The following MAGOH variants were observed in gnomAD, a reference collection of about 807,000 sequenced individuals.
MAGOH encodes the protein protein mago nashi homolog.
In MAGOH, 3 loss-of-function variants were observed where a neutral mutation model predicts 20.9. The observed-to-expected ratio is 0.14, with a 90% CI of 0.07 to 0.37. The LOEUF (loss-of-function observed/expected upper bound fraction) is 0.37, where lower values mean the gene tolerates loss of function less well. MAGOH is among the 10% of genes least tolerant of loss of function. MAGOH has a pLI of 1.00. For missense variants in MAGOH, 66 were observed against 178.1 expected, an observed-to-expected ratio of 0.37 and a Z score of 3.58; for synonymous variants, 51 against 61.0, an observed-to-expected ratio of 0.84 and a Z score of 0.76.
intron 1 of MAGOH, among the ~76,000 whole-genome samples, 153 bp from the exon 2 acceptor site, chr1:53,235,788 A>G (rs531153733): frequency 6.6e-6 from 1 of 152,402 alleles, no homozygotes; most frequent in East Asian, 1.9e-4. Context: ...TTTCAACAAT[A>G]CTAGTCTTTT....
intron 3 of MAGOH, among the ~76,000 whole-genome samples, chr1:53,232,648 C>T (rs1174154832): frequency 6.6e-6 from 1 of 152,104 alleles, no homozygotes; most frequent in Non-Finnish European, 1.5e-5. Flanking sequence ...GTAAGAACCA[C>T]CTAGGTATGT....
intron 1 of MAGOH, among the ~76,000 whole-genome samples, chr1:53,236,437 C>T (rs1333984073): frequency 6.6e-6 from 1 of 152,240 alleles, no homozygotes; most frequent in Non-Finnish European, 1.5e-5. Flanking sequence ...AAGCCCCTGC[C>T]TGCTTTTCCA....
Position 53,227,024 on chromosome 1 carries a change from A to AT in MAGOH, c.*20dup. The AT allele has an allele frequency of 3.3e-6, 2 of 601,140 alleles. No individual in the cohort carries two copies. Among genetic ancestry groups the AT allele is most frequent in the Non-Finnish European group, 5.2e-6 (2 of 385,808 alleles). The allele number at this position is 601,140 out of a possible 1,614,324, so 37.2% of individuals were successfully genotyped here. ...AATTTTCTACTCCCACCCACCCCCCATGTCCACACCAATATTCAGTCTAGA... is the reference window on the plus strand; with the variant it reads ...AATTTTCTACTCCCACCCACCCCCCATTGTCCACACCAATATTCAGTCTAGA... On this transcript the variant is annotated 3_prime_UTR_variant, in exon 5 of 5. Coordinates refer to ENST00000371470, the MANE Select transcript of MAGOH (RefSeq NM_002370.4).
At position 53,227,113 on chromosome 1, in the gene MAGOH, G is replaced by A; in HGVS notation, c.373C>T (p.Leu125Phe). Reference protein sequence around the residue: ...DPEGLRVFYYLVQDLKCLVFS... With the variant: ...DPEGLRVFYYFVQDLKCLVFS... The stretch of plus-strand genomic sequence containing the variant: ...ACCAAACACTTCAGGTCCTGGACAA[G>A]ATAATAAAATACTCGTAAGCCTTCT... The change falls in exon 5 of 5, where the codon CTT (leucine) becomes TTT (phenylalanine). Residue 125 changes from leucine (L) to phenylalanine (F), a missense_variant. Physicochemically the swap from Leu to Phe is conservative, Grantham distance 22. Transcript: ENST00000371470. The A allele has an allele frequency of 6.3e-7, 1 of 1,585,270 alleles. No homozygotes were observed. The highest frequency in any genetic ancestry group is 1.2e-5 in the South Asian group (1 of 86,444).
In MAGOH at chr1:53,238,503, G is replaced by C. The variant is rs942540621; in HGVS notation, c.-55C>G. The C allele has an allele frequency of 6.7e-7, 1 of 1,502,164 alleles. No homozygotes were observed. The highest frequency in any genetic ancestry group is 1.1e-5 in the South Asian group (1 of 88,800). The allele number at this position is 1,502,164 out of a possible 1,614,324, so 93.1% of individuals were successfully genotyped here. A position where few individuals can be genotyped will look rare whatever the true frequency, so the allele number is the denominator to read the frequency against. On this transcript the variant is annotated 5_prime_UTR_variant, in exon 1 of 5. Coordinates refer to ENST00000371470, the MANE Select transcript of MAGOH (RefSeq NM_002370.4). ...TCCAAGAGCAAGCCGCACTGCCGCC[G>C]TCTGCGCCCGACACTGACGTTTGCG...
chr1:53,236,695 C>G (rs1645612018), intron 1 of MAGOH, among the ~76,000 whole-genome samples: 1 of 152,214 alleles, frequency 6.6e-6, no homozygotes, highest in African/African-American at 2.4e-5. Context: ...TCCTCTGTTT[C>G]TTTTTACCAC....
At chr1:53,231,661 T>C (rs1176789922) in intron 3 of MAGOH, among the ~76,000 whole-genome samples, 2 of 152,192 alleles carry the variant, frequency 1.3e-5, no homozygotes, top group African/African-American at 4.8e-5. Context: ...TTCTGTTCCA[T>C]TGGTTTAGCT....
At chr1:53,228,259 G>T (rs1645570032) in intron 4 of MAGOH, among the ~76,000 whole-genome samples, 2 of 152,070 alleles carry the variant, frequency 1.3e-5, no homozygotes, top group Middle Eastern at 6.8e-3. Flanking sequence ...GTGAAACCCT[G>T]TCTCTACTAA....
At chr1:53,238,243 T>C in intron 1 of MAGOH, 118 bp downstream of exon 1, 1 of 878,606 alleles carries the variant, frequency 1.1e-6, no homozygotes, top group Non-Finnish European at 1.9e-6. Context: ...AGATCTGCAC[T>C]GCACAGGTCT....
At chr1:53,230,657 G>A (rs1001740543) in intron 3 of MAGOH, among the ~76,000 whole-genome samples, 26 of 151,870 alleles carry the variant, frequency 1.7e-4, no homozygotes, top group South Asian at 2.1e-4. Context: ...TGAGCTCCTG[G>A]CCTCAAGTCA....
intron 4 of MAGOH, 40 bp downstream of exon 4, chr1:53,228,832 A>G: frequency 6.8e-7 from 1 of 1,476,290 alleles, no homozygotes; most frequent in South Asian, 1.1e-5. Flanking sequence ...AATCTGCTCC[A>G]AAACAGACAC....
At position 53,227,050 on chromosome 1, in the gene MAGOH, T is replaced by C; in HGVS notation, c.436A>G (p.Ile146Val). 1 of 1,328,872 alleles carries C rather than the reference T, an allele frequency of 7.5e-7. No individual in the cohort carries two copies. The highest frequency in any genetic ancestry group is 1.1e-6 in the Non-Finnish European group (1 of 951,426). 82.3% of individuals were successfully genotyped at this position (1,328,872 alleles called of 1,614,324 possible). A position where few individuals can be genotyped will look rare whatever the true frequency, so the allele number is the denominator to read the frequency against. Reference sequence around the variant, plus strand: ...TGTCCACACCAATATTCAGTCTAGATTGGTTTAATCTTGAAGTGTAATCCA... The same window carrying C: ...TGTCCACACCAATATTCAGTCTAGACTGGTTTAATCTTGAAGTGTAATCCA... ...LIGLHFKIKP[I>V] Residue 146 changes from isoleucine to valine, a missense_variant, in exon 5 of 5, where the codon ATC becomes GTC. Physicochemically the swap from Ile to Val is conservative, Grantham distance 29. Coordinates refer to ENST00000371470, the MANE Select transcript of MAGOH (RefSeq NM_002370.4).
At chr1:53,228,406 C>T (rs1480034421) in intron 4 of MAGOH, among the ~76,000 whole-genome samples, 6 of 151,750 alleles carry the variant, frequency 4.0e-5, no homozygotes, top group Non-Finnish European at 7.4e-5. Flanking sequence ...CACTCCAGTC[C>T]GGGTGACAGT....
intron 3 of MAGOH, among the ~76,000 whole-genome samples, chr1:53,230,314 T>A (rs532589724): frequency 1.3e-4 from 20 of 152,310 alleles, no homozygotes; most frequent in East Asian, 7.7e-4. Context: ...AGATTTTTTT[T>A]AAAAAAGAAG....
At chr1:53,227,452 T>A (rs1303610166) in intron 4 of MAGOH, among the ~76,000 whole-genome samples, 1 of 152,216 alleles carries the variant, frequency 6.6e-6, no homozygotes, top group East Asian at 1.9e-4. Flanking sequence ...AACTTGTGGA[T>A]GATTTTCCCC....
intron 4 of MAGOH, among the ~76,000 whole-genome samples, chr1:53,228,082 A>C (rs1248619362): frequency 6.6e-6 from 1 of 152,188 alleles, no homozygotes; most frequent in Non-Finnish European, 1.5e-5. Context: ...CCCCACTGAC[A>C]ACATGAATTT....
intron 3 of MAGOH, among the ~76,000 whole-genome samples, chr1:53,230,230 A>G (rs1373376739): frequency 6.6e-6 from 1 of 152,236 alleles, no homozygotes; most frequent in Non-Finnish European, 1.5e-5. Context: ...TTTTTGTTAT[A>G]ATTCAATCAG....
At chr1:53,236,762 G>T (rs938915456) in intron 1 of MAGOH, among the ~76,000 whole-genome samples, 4 of 152,100 alleles carry the variant, frequency 2.6e-5, no homozygotes, top group Admixed American at 2.0e-4. Context: ...CACAGTCGAG[G>T]CCTGTCAGAT....
At chr1:53,230,014 G>A (rs1344427176) in intron 3 of MAGOH, among the ~76,000 whole-genome samples, 2 of 152,138 alleles carry the variant, frequency 1.3e-5, no homozygotes, top group Non-Finnish European at 2.9e-5. Context: ...CTCCCTACAT[G>A]TATGATGTTG....
Sources: gnomAD v4.1 joint callset for allele counts (sites outside exome capture counted in the v4.1 genomes callset) on GRCh38, gnomAD v4.1.1 for gene constraint, MANE v1.5 for transcripts, NCBI Gene and HGNC (gene_info 2026-07-23, HGNC 2026-07-21) for gene names.